Variants in SLCO3A1 observed in about 807,000 individuals in gnomAD.
SLCO3A1 encodes the protein solute carrier organic anion transporter family member 3A1, also known as PGE1 transporter.
SLCO3A1 carries 27 observed loss-of-function variants against 63.1 expected under a neutral mutation model. The ratio of observed to expected loss-of-function variants is 0.43; its 90% CI spans 0.32 to 0.59. The LOEUF (loss-of-function observed/expected upper bound fraction) is 0.59, where lower values mean the gene tolerates loss of function less well. Ranked by LOEUF, SLCO3A1 falls within the 20% of genes least tolerant of loss-of-function variation. The pLI, the probability that SLCO3A1 is intolerant of heterozygous loss-of-function variation, is 0.09. For missense variants in SLCO3A1, 773 were observed against 945.8 expected (o/e 0.82, Z 2.40); for synonymous variants, 473 against 409.9 (o/e 1.15, Z -1.86).
intron 1 of SLCO3A1, 64 bp from the exon 2 acceptor site, chr15:91,915,929 G>A (rs1898639161): frequency 2.1e-6 from 3 of 1,395,844 alleles, no homozygotes; most frequent in Admixed American, 3.8e-5. Context: ...CTGTCAGGCG[G>A]GAAGGAGAGG....
At chr15:91,917,581 A>T (rs1195623661) in intron 2 of SLCO3A1, among the ~76,000 whole-genome samples, 3 of 152,040 alleles carry the variant, frequency 2.0e-5, no homozygotes, top group African/African-American at 7.2e-5. Context: ...GGCAGGAAAG[A>T]TGGAAGGAAT....
At chr15:91,902,118 A>T (rs888308829) in intron 1 of SLCO3A1, among the ~76,000 whole-genome samples, 9 of 150,866 alleles carry the variant, frequency 6.0e-5, no homozygotes, top group African/African-American at 2.2e-4. Context: ...CCTTTTGTGA[A>T]TTTTTTGTTT....
intron 7 of SLCO3A1, among the ~76,000 whole-genome samples, chr15:92,133,811 C>G (rs116916949): frequency 8.9e-6 from 1 of 111,772 alleles, no homozygotes; most frequent in Non-Finnish European, 2.1e-5. Flanking sequence ...AGAAATAAAG[C>G]GCATGATAAA....
chr15:92,069,089 TC>T (rs760619386), intron 2 of SLCO3A1, among the ~76,000 whole-genome samples: 2 of 59,068 alleles, frequency 3.4e-5, no homozygotes, highest in South Asian at 5.2e-4. Flanking sequence ...ATTCAAGGGC[TC>T]CCCCCGCCCC....
At chr15:91,879,464 AG>A (rs936092030) in intron 1 of SLCO3A1, among the ~76,000 whole-genome samples, 15 of 152,202 alleles carry the variant, frequency 9.9e-5, no homozygotes, top group Admixed American at 3.3e-4. Flanking sequence ...GACACTTGGG[AG>A]AAATGATGAG....
intron 2 of SLCO3A1, among the ~76,000 whole-genome samples, chr15:91,931,151 T>A (rs890207030): frequency 1.1e-4 from 16 of 152,174 alleles, no homozygotes; most frequent in Admixed American, 1.3e-4. Context: ...GTAGTTACTG[T>A]TAGAGAAAAG....
intron 2 of SLCO3A1, among the ~76,000 whole-genome samples, chr15:91,965,143 G>C (rs1044957523): frequency 6.6e-6 from 1 of 152,072 alleles, no homozygotes; most frequent in African/African-American, 2.4e-5. Flanking sequence ...AGGGGAAGAG[G>C]TATACATTAA....
intron 2 of SLCO3A1, among the ~76,000 whole-genome samples, chr15:91,994,952 A>T (rs1416973845): frequency 1.3e-5 from 2 of 151,790 alleles, no homozygotes; most frequent in Non-Finnish European, 2.9e-5. Flanking sequence ...TCAGAAGGAG[A>T]CTCCTGTCTG....
intron 2 of SLCO3A1, among the ~76,000 whole-genome samples, chr15:92,017,167 A>C (rs1269791107): frequency 6.6e-6 from 1 of 152,220 alleles, no homozygotes; most frequent in Non-Finnish European, 1.5e-5. Flanking sequence ...TAGCAGCTTC[A>C]GCTGCTGCAG....
intron 7 of SLCO3A1, among the ~76,000 whole-genome samples, chr15:92,142,615 C>T (rs568771473): frequency 7.9e-5 from 12 of 152,326 alleles, no homozygotes; most frequent in African/African-American, 2.2e-4. Flanking sequence ...ATTCAAACCA[C>T]GCACTGCTAC....
At chr15:91,966,545 ATTTCAGGATATGATCC>A (rs770682289) in intron 2 of SLCO3A1, among the ~76,000 whole-genome samples, 17 of 152,238 alleles carry the variant, frequency 1.1e-4, no homozygotes, top group Admixed American at 3.9e-4. Context: ...GCTTCTGAAC[ATTTCAGGATATGATCC>A]TTTCAGGATA....
At chr15:91,959,959 G>A (rs541185855) in intron 2 of SLCO3A1, among the ~76,000 whole-genome samples, 9 of 151,948 alleles carry the variant, frequency 5.9e-5, no homozygotes, top group South Asian at 2.1e-4. Flanking sequence ...AACATTTCAC[G>A]TAAACAGAAT....
chr15:92,052,876 A>C (rs775011592), intron 2 of SLCO3A1, among the ~76,000 whole-genome samples: 4 of 152,156 alleles, frequency 2.6e-5, no homozygotes, highest in Non-Finnish European at 5.9e-5. Flanking sequence ...ACGTTAAGTT[A>C]AATAAAATGT....
intron 6 of SLCO3A1, among the ~76,000 whole-genome samples, chr15:92,127,464 T>C (rs2047939399): frequency 6.6e-6 from 1 of 152,222 alleles, no homozygotes; most frequent in Admixed American, 6.5e-5. Flanking sequence ...CGGTTTCTTC[T>C]CTAAAGCCCA....
At chr15:92,004,284 G>C (rs1201373021) in intron 2 of SLCO3A1, among the ~76,000 whole-genome samples, 1 of 152,180 alleles carries the variant, frequency 6.6e-6, no homozygotes, top group East Asian at 1.9e-4. Context: ...ATGCAGCCCT[G>C]CTCAGCCTCT....
intron 8 of SLCO3A1, chr15:92,149,519 C>G (rs1039126571): frequency 1.3e-5 from 2 of 152,310 alleles, no homozygotes; most frequent in African/African-American, 2.4e-5. Flanking sequence ...AGGTTGAAAG[C>G]TGATGCCCAG....
rs1012817169 is a variant in SLCO3A1 at position 92,088,475 on chromosome 15, C to T, written c.647-6406C>T. Among the ~76,000 whole-genome samples the T allele has an allele frequency of 4.6e-5, 7 of 152,174 alleles. No homozygotes were observed. In the South Asian group the frequency reaches 8.3e-4, roughly 18 times the overall value. ...TGGAGTTTAACCCAGATTTGCTTAA[C>T]GATTGTATTAGTTTTCTATCACTAC... On this transcript the variant is annotated intron_variant, in intron 2 of 9. Transcript: ENST00000318445.
chr15:92,151,515 C>G (rs2048305596), intron 9 of SLCO3A1, among the ~76,000 whole-genome samples: 1 of 152,018 alleles, frequency 6.6e-6, no homozygotes, highest in Non-Finnish European at 1.5e-5. Context: ...CCCACGTTTC[C>G]AGATTTGGTA....
At chr15:92,009,669 A>G (rs2046348526) in intron 2 of SLCO3A1, among the ~76,000 whole-genome samples, 2 of 152,212 alleles carry the variant, frequency 1.3e-5, no homozygotes, top group Admixed American at 6.5e-5. Context: ...CAGTACCCAC[A>G]TCCTTCAAAG....
Sources: gnomAD v4.1 joint callset for allele counts (sites outside exome capture counted in the v4.1 genomes callset) on GRCh38, gnomAD v4.1.1 for gene constraint, MANE v1.5 for transcripts, NCBI Gene and HGNC (gene_info 2026-07-23, HGNC 2026-07-21) for gene names.